The following COBL variants were observed in gnomAD, a reference collection of about 807,000 sequenced individuals.
The protein encoded by COBL is cordon-bleu WH2 repeat protein.
COBL carries 51 observed loss-of-function variants against 98.8 expected under a neutral mutation model. That is an observed-to-expected ratio of 0.52 (90% CI 0.41 to 0.65). The LOEUF (loss-of-function observed/expected upper bound fraction) is 0.65, where lower values mean the gene tolerates loss of function less well. Among genes scored for constraint, COBL ranks in the 30% least tolerant of loss-of-function variants. COBL has a pLI of 0.00. For missense variants in COBL, 1,617 were observed against 1,617.5 expected, an observed-to-expected ratio of 1.00 and a Z score of 0.01; for synonymous variants, 634 against 651.7, an observed-to-expected ratio of 0.97 and a Z score of 0.41.
intron 7 of COBL, among the ~76,000 whole-genome samples, chr7:51,058,856 C>T (rs879545934): frequency 2.3e-4 from 35 of 152,162 alleles, no homozygotes; most frequent in African/African-American, 7.2e-4. Context: ...AATGGCAGGT[C>T]CTCCAACGAC....
At position 51,026,431 on chromosome 7, in the gene COBL, G is replaced by A. The variant is rs537519339; in HGVS notation, c.3504+115C>T. ...TGGGATGGCCACTCTAAAGACAGATGGTTCACCATCCAATCGGAAGGACAG... is the reference window on the plus strand; with the variant it reads ...TGGGATGGCCACTCTAAAGACAGATAGTTCACCATCCAATCGGAAGGACAG... On this transcript the variant is annotated intron_variant, in intron 11 of 12. Transcript: ENST00000265136. 4.4e-6 allele frequency: 6 copies of A among 1,375,892 alleles called. No individual in the cohort carries two copies. The East Asian group carries it at 1.2e-4, about 28-fold the overall frequency. The allele number at this position is 1,375,892 out of a possible 1,614,324, so 85.2% of individuals were successfully genotyped here. A position where few individuals can be genotyped will look rare whatever the true frequency, so the allele number is the denominator to read the frequency against.
chr7:51,091,623 G>A (rs908582863), intron 6 of COBL, among the ~76,000 whole-genome samples: 2 of 152,138 alleles, frequency 1.3e-5, no homozygotes, highest in Non-Finnish European at 2.9e-5. Flanking sequence ...AGTAATGTCT[G>A]ACAATTCTCC....
intron 5 of COBL, chr7:51,156,440 A>AATCACCCAGCAGGAAGC (rs1464597771): frequency 1.0e-6 from 1 of 985,138 alleles, no homozygotes; most frequent in African/African-American, 1.7e-5. Flanking sequence ...GTTCCCCAGG[A>AATCACCCAGCAGGAAGC]ATCACCCAGC....
chr7:51,058,141 C>T (rs538792919), intron 7 of COBL, among the ~76,000 whole-genome samples: 25 of 151,610 alleles, frequency 1.6e-4, no homozygotes, highest in African/African-American at 6.1e-4. Context: ...TTTGGATAAA[C>T]GTAACAAAAT....
chr7:51,190,527 G>C (rs923410391), intron 4 of COBL, among the ~76,000 whole-genome samples: 22 of 152,136 alleles, frequency 1.4e-4, no homozygotes, highest in Admixed American at 4.6e-4. Context: ...AAGTATTATA[G>C]ATGGTTTGGA....
At chr7:51,236,880 G>A (rs1795307139) in intron 1 of COBL, among the ~76,000 whole-genome samples, 1 of 152,156 alleles carries the variant, frequency 6.6e-6, no homozygotes, top group South Asian at 2.1e-4. Flanking sequence ...ATCCTCCACT[G>A]CCCTCCCTCT....
chr7:51,209,231 T>G (rs1015321554), intron 2 of COBL, among the ~76,000 whole-genome samples: 1 of 151,978 alleles, frequency 6.6e-6, no homozygotes. Flanking sequence ...ATGCCAATGC[T>G]ACAAGAAAAG....
At position 51,029,020 on chromosome 7, in the gene COBL, G is replaced by C; in HGVS notation, c.2076C>G (p.Gly692=). The C allele has an allele frequency of 6.2e-7, 1 of 1,614,156 alleles. No individual in the cohort carries two copies. Among genetic ancestry groups the C allele is most frequent in the South Asian group, 1.1e-5 (1 of 91,080 alleles). ...ALAPTSWHQR[G]QNPGKSYRLK... ...GTCTGTAGCTTTTCCCTGGGTTTTG[G>C]CCTCGTTGGTGCCATGATGTTGGTG... Residue 692 remains glycine (G), a synonymous_variant, in exon 10 of 13, where the codon GGC becomes GGG. Transcript: ENST00000265136.
At chr7:51,135,157 T>G (rs1799117136) in intron 6 of COBL, among the ~76,000 whole-genome samples, 1 of 152,154 alleles carries the variant, frequency 6.6e-6, no homozygotes, top group Non-Finnish European at 1.5e-5. Flanking sequence ...AGACGGGATT[T>G]CACCATGTTG....
In COBL at chr7:51,017,386, T is replaced by C; in HGVS notation, c.*165A>G. 1.4e-6 allele frequency: 1 copy of C among 690,554 alleles called. No homozygotes were observed. Among genetic ancestry groups the C allele is most frequent in the Non-Finnish European group, 2.6e-6 (1 of 386,074 alleles). The allele number at this position is 690,554 out of a possible 1,614,324, so 42.8% of individuals were successfully genotyped here. On this transcript the variant is annotated 3_prime_UTR_variant, in exon 13 of 13. Transcript: ENST00000265136. Reference sequence around the variant, plus strand: ...AGCGACACAGCATCTTCTCCTTTCCTTTCAAGCCGTTATACAGGAACACAC... The same window carrying C: ...AGCGACACAGCATCTTCTCCTTTCCCTTCAAGCCGTTATACAGGAACACAC...
At chr7:51,139,436 A>G (rs1467793648) in intron 5 of COBL, among the ~76,000 whole-genome samples, 1 of 152,180 alleles carries the variant, frequency 6.6e-6, no homozygotes. Flanking sequence ...GCTCCTCATG[A>G]GGCCTTCATC....
chr7:51,128,224 G>A (rs149675186), intron 6 of COBL, among the ~76,000 whole-genome samples: 146 of 152,308 alleles, frequency 9.6e-4, no homozygotes, highest in Admixed American at 3.6e-3. Flanking sequence ...ATGCAGCTCA[G>A]CCTGGTCTGA....
chr7:51,160,215 T>C (rs1050475602), intron 5 of COBL, among the ~76,000 whole-genome samples: 1 of 152,230 alleles, frequency 6.6e-6, no homozygotes, highest in African/African-American at 2.4e-5. Context: ...CAAATAGGTA[T>C]GGAAAGAACC....
intron 1 of COBL, among the ~76,000 whole-genome samples, chr7:51,256,840 G>A (rs112527728): frequency 0.017 from 2,616 of 152,202 alleles, 65 homozygotes; most frequent in African/African-American, 0.059. Context: ...GCTGCTTCCC[G>A]GATTTACTGC....
At chr7:51,303,434 G>A (rs1351052161) in intron 1 of COBL, among the ~76,000 whole-genome samples, 3 of 152,124 alleles carry the variant, frequency 2.0e-5, no homozygotes, top group Non-Finnish European at 4.4e-5. Flanking sequence ...CACCTGACTT[G>A]ACCATGCATG....
intron 7 of COBL, among the ~76,000 whole-genome samples, chr7:51,084,938 CCA>C (rs1794051096): frequency 1.3e-5 from 2 of 152,340 alleles, no homozygotes; most frequent in South Asian, 4.1e-4. Context: ...TTCTCCCCTT[CCA>C]CCGTCCCCCG....
chr7:51,029,659 T>C, intron 9 of COBL, 68 bp from the exon 10 acceptor site: 15 of 1,319,094 alleles, frequency 1.1e-5, no homozygotes, highest in Non-Finnish European at 1.5e-5. Flanking sequence ...ACTGCAGCCA[T>C]GACTTTGATT....
At chr7:51,081,633 A>G (rs1225883998) in intron 7 of COBL, among the ~76,000 whole-genome samples, 1 of 152,170 alleles carries the variant, frequency 6.6e-6, no homozygotes, top group Non-Finnish European at 1.5e-5. Context: ...AGGGTCTGCA[A>G]GTTTGCACCC....
At chr7:51,269,856 C>A (rs1309116003) in intron 1 of COBL, among the ~76,000 whole-genome samples, 1 of 152,186 alleles carries the variant, frequency 6.6e-6, no homozygotes, top group Non-Finnish European at 1.5e-5. Flanking sequence ...TGCTCTGTCT[C>A]CAGACTGAGG....
Sources: gnomAD v4.1 joint callset for allele counts (sites outside exome capture counted in the v4.1 genomes callset) on GRCh38, gnomAD v4.1.1 for gene constraint, MANE v1.5 for transcripts, NCBI Gene and HGNC (gene_info 2026-07-23, HGNC 2026-07-21) for gene names.